The following TENM4 variants were observed in gnomAD, a reference collection of about 807,000 sequenced individuals.
TENM4 encodes the protein teneurin transmembrane protein 4, also known as teneurin-4.
Under a neutral mutation model 243.3 loss-of-function variants are expected in TENM4, and 82 were observed. The observed-to-expected ratio is 0.34, with a 90% CI of 0.28 to 0.40. The LOEUF (loss-of-function observed/expected upper bound fraction) is 0.40, where lower values mean the gene tolerates loss of function less well. Among genes scored for constraint, TENM4 ranks in the 10% least tolerant of loss-of-function variants. The probability of loss-of-function intolerance (pLI) is 1.00; values close to 1 mark genes in which losing one functional copy is unlikely to be tolerated. For synonymous variants in TENM4, 1,412 were observed against 1,456.3 expected, an observed-to-expected ratio of 0.97 and a Z score of 0.69; for missense variants, 3,138 against 3,673.3, an observed-to-expected ratio of 0.85 and a Z score of 3.77.
chr11:79,185,841 T>C lies in TENM4; in HGVS notation c.-163+29967A>G, dbSNP rs575244020. On this transcript the variant is annotated intron_variant, in intron 3 of 33. Coordinates refer to ENST00000278550, the MANE Select transcript of TENM4 (RefSeq NM_001098816.3). ...CAAAATTCCTTCTGATATAGTTTCC[T>C]AAAATCTCCAGAAACATCTGCCAAA... Among the ~76,000 whole-genome samples, 22 of 152,306 alleles carry C rather than the reference T, an allele frequency of 1.4e-4. 1 individual carries two copies. In the South Asian group the frequency reaches 3.9e-3, roughly 27 times the overall value.
intron 6 of TENM4, among the ~76,000 whole-genome samples, chr11:79,062,288 A>T (rs1348496473): frequency 6.6e-6 from 1 of 152,176 alleles, no homozygotes; most frequent in African/African-American, 2.4e-5. Flanking sequence ...TAATGCTGTT[A>T]TTATTATCAT....
At chr11:79,348,910 T>G (rs1221947316) in intron 1 of TENM4, among the ~76,000 whole-genome samples, 3 of 152,198 alleles carry the variant, frequency 2.0e-5, no homozygotes, top group African/African-American at 7.2e-5. Context: ...ACAAATAAAG[T>G]GCTTCACACA....
chr11:78,753,525 A>G (rs377365799), intron 19 of TENM4, among the ~76,000 whole-genome samples: 50 of 152,340 alleles, frequency 3.3e-4, no homozygotes, highest in African/African-American at 1.1e-3. Flanking sequence ...TCGAATACCA[A>G]GTAGTTAGTC....
chr11:79,243,678 T>C (rs918723435), intron 2 of TENM4, among the ~76,000 whole-genome samples: 3 of 152,230 alleles, frequency 2.0e-5, no homozygotes, highest in Non-Finnish European at 4.4e-5. Context: ...GGAAGAACAG[T>C]GCCGAGAGCC....
chr11:78,938,801 G>A (rs79861402), intron 6 of TENM4, among the ~76,000 whole-genome samples: 6,879 of 152,192 alleles, frequency 0.045, 562 homozygotes, highest in African/African-American at 0.16. Context: ...CAGATTTATG[G>A]TGAGGGGTTT....
chr11:79,112,016 G>A (rs568201877), intron 4 of TENM4, among the ~76,000 whole-genome samples: 3 of 152,322 alleles, frequency 2.0e-5, no homozygotes, highest in East Asian at 1.9e-4. Context: ...CAAGGTGGGG[G>A]CAGAGAGAGG....
At chr11:79,271,316 T>A (rs1343328364) in intron 2 of TENM4, among the ~76,000 whole-genome samples, 2 of 152,182 alleles carry the variant, frequency 1.3e-5, no homozygotes, top group Non-Finnish European at 2.9e-5. Flanking sequence ...ACAAAGATGA[T>A]TACAGAGACT....
intron 6 of TENM4, among the ~76,000 whole-genome samples, chr11:78,963,299 G>A (rs1411616144): frequency 1.3e-5 from 2 of 152,218 alleles, no homozygotes; most frequent in African/African-American, 2.4e-5. Context: ...CTCTTCAGAA[G>A]GAGGAGGCGA....
chr11:78,923,536 T>TA (rs1762356812), intron 6 of TENM4, among the ~76,000 whole-genome samples: 2 of 152,024 alleles, frequency 1.3e-5, no homozygotes, highest in African/African-American at 2.4e-5. Context: ...TATTTGTTTT[T>TA]ATTTTTATTT....
At chr11:78,713,357 G>GA (rs576171921) in intron 25 of TENM4, among the ~76,000 whole-genome samples, 16 of 151,948 alleles carry the variant, frequency 1.1e-4, no homozygotes, top group South Asian at 1.0e-3. Context: ...GAAACCCAAG[G>GA]AAAAAAAATA....
Position 78,701,924 on chromosome 11 carries a change from G to T in TENM4, c.4689C>A (p.Ile1563=). The T allele has an allele frequency of 2.5e-6, 4 of 1,614,010 alleles. No homozygotes were observed. In the African/African-American group the frequency reaches 4.0e-5, roughly 16 times the overall value. The change falls in exon 28 of 34, where the codon ATC becomes ATA. Residue 1563 remains isoleucine, a synonymous_variant. Coordinates refer to ENST00000278550, the MANE Select transcript of TENM4 (RefSeq NM_001098816.3). ...ADLGNIRIRF[I]RKNKPFLNTQ... Reference sequence around the variant, plus strand: ...TGTTGAGGAAAGGCTTGTTCTTCCGGATAAACCGAATTCGGATGTTCCCAA... The same window carrying T: ...TGTTGAGGAAAGGCTTGTTCTTCCGTATAAACCGAATTCGGATGTTCCCAA...
At chr11:78,960,500 C>T (rs1857296517) in intron 6 of TENM4, among the ~76,000 whole-genome samples, 4 of 152,134 alleles carry the variant, frequency 2.6e-5, no homozygotes, top group Non-Finnish European at 5.9e-5. Flanking sequence ...CTTCCATACC[C>T]TTCCAAGGTT....
At position 79,148,660 on chromosome 11, in the gene TENM4, A is replaced by T. The variant is rs1862439746; in HGVS notation, c.-66+50T>A. The stretch of plus-strand genomic sequence containing the variant: ...GGTAGAGAAAAAAAGAACCCATAAC[A>T]TTAACTTAAATCATGAATACTCTCT... On this transcript the variant is annotated intron_variant, in intron 4 of 33. Coordinates refer to ENST00000278550, the MANE Select transcript of TENM4 (RefSeq NM_001098816.3). 3 of 565,114 alleles carry T rather than the reference A, an allele frequency of 5.3e-6. No individual in the cohort carries two copies. The South Asian group carries it at 2.3e-4, about 44-fold the overall frequency. 35.0% of individuals were successfully genotyped at this position (565,114 alleles called of 1,614,324 possible).
intron 6 of TENM4, among the ~76,000 whole-genome samples, chr11:78,962,463 G>T (rs987414555): frequency 7.8e-5 from 11 of 141,344 alleles, no homozygotes; most frequent in Non-Finnish European, 6.1e-5. Flanking sequence ...GGAAGGGGGG[G>T]CTCCCAACAC....
intron 1 of TENM4, among the ~76,000 whole-genome samples, chr11:79,384,553 C>G (rs956418485): frequency 3.9e-5 from 6 of 152,300 alleles, no homozygotes; most frequent in Admixed American, 6.5e-5. Flanking sequence ...TGAACATGCA[C>G]AAACTACTTC....
chr11:79,208,750 T>C (rs1204557959), intron 3 of TENM4, among the ~76,000 whole-genome samples: 1 of 152,250 alleles, frequency 6.6e-6, no homozygotes, highest in Non-Finnish European at 1.5e-5. Flanking sequence ...TGACATCTAA[T>C]AGGCGCTCAA....
chr11:78,731,003 G>C (rs1855653543), intron 21 of TENM4, among the ~76,000 whole-genome samples: 1 of 152,180 alleles, frequency 6.6e-6, no homozygotes, highest in Non-Finnish European at 1.5e-5. Flanking sequence ...ATATCTCCCA[G>C]CACTTGCAAA....
chr11:79,431,017 C>T (rs11600331), intron 1 of TENM4, among the ~76,000 whole-genome samples: 1,692 of 152,156 alleles, frequency 0.011, 17 homozygotes, highest in Non-Finnish European at 0.019. Flanking sequence ...AGCACAGGGA[C>T]GCACCGTTGC....
intron 6 of TENM4, among the ~76,000 whole-genome samples, chr11:78,909,126 A>G (rs1246268364): frequency 6.6e-6 from 1 of 152,254 alleles, no homozygotes; most frequent in Non-Finnish European, 1.5e-5. Flanking sequence ...TAGGTTGAAT[A>G]CATAGAGATT....
Sources: gnomAD v4.1 joint callset for allele counts (sites outside exome capture counted in the v4.1 genomes callset) on GRCh38, gnomAD v4.1.1 for gene constraint, MANE v1.5 for transcripts, NCBI Gene and HGNC (gene_info 2026-07-23, HGNC 2026-07-21) for gene names.